The following UBE3A variants were observed in gnomAD, a reference collection of about 807,000 sequenced individuals.
The protein encoded by UBE3A is ubiquitin protein ligase E3A, also known as ubiquitin-protein ligase E3A.
A neutral mutation model predicts 83.4 loss-of-function variants in UBE3A; 6 were observed. That is an observed-to-expected ratio of 0.07 (90% CI 0.04 to 0.14). UBE3A has a LOEUF of 0.14. Ranked by LOEUF, UBE3A falls within the 10% of genes least tolerant of loss-of-function variation. The probability of loss-of-function intolerance (pLI) is 1.00; values close to 1 mark genes in which losing one functional copy is unlikely to be tolerated. For missense variants in UBE3A, 456 were observed against 1,036.1 expected, an observed-to-expected ratio of 0.44 and a Z score of 7.69; for synonymous variants, 337 against 355.4, an observed-to-expected ratio of 0.95 and a Z score of 0.58.
At chr15:25,380,222 G>A (rs1258468197) in intron 4 of UBE3A, among the ~76,000 whole-genome samples, 1 of 152,050 alleles carries the variant, frequency 6.6e-6, no homozygotes, top group Non-Finnish European at 1.5e-5. Flanking sequence ...ATGTGGAAGT[G>A]TAAGTCCAAT....
rs149350115 is a variant in UBE3A, at chr15:25,356,951, T to C, written c.1754-55A>G. On this transcript the variant is annotated intron_variant, in intron 7 of 12. Transcript: ENST00000648336. Reference sequence around the variant, plus strand: ...ACTTTTGTATTTTATTAAGGACTGATGAATAATACAAATATAAACTTAAAA... The same window carrying C: ...ACTTTTGTATTTTATTAAGGACTGACGAATAATACAAATATAAACTTAAAA... 45 of 1,393,064 alleles carry C rather than the reference T, an allele frequency of 3.2e-5. 1 individual carries two copies. The Middle Eastern group carries it at 6.4e-4, about 20-fold the overall frequency. The allele number at this position is 1,393,064 out of a possible 1,614,324, so 86.3% of individuals were successfully genotyped here.
rs779737496 is a variant in UBE3A, at chr15:25,355,958, A to G, written c.2058T>C (p.Gly686=). 6.2e-7 allele frequency: 1 copy of G among 1,613,806 alleles called. No individual in the cohort carries two copies. Among genetic ancestry groups the G allele is most frequent in the Non-Finnish European group, 8.5e-7 (1 of 1,179,822 alleles). ...CCTTTAGATCATACATCATTGGGTT[A>G]CCAAAAAGATCTGTCTGTGATATCT... The part of the protein sequence containing the change: ...TFQISQTDLF[G]NPMMYDLKEN... The change falls in exon 9 of 13, where the codon GGT becomes GGC. Residue 686 remains glycine, a synonymous_variant. Transcript: ENST00000648336.
intron 6 of UBE3A, among the ~76,000 whole-genome samples, chr15:25,367,197 A>ATATTTGTAAATATGTAAATATTTG (rs2079305606): frequency 1.9e-4 from 24 of 123,296 alleles, no homozygotes; most frequent in African/African-American, 4.1e-5. Context: ...GTAAATATTT[A>ATATTTGTAAATATGTAAATATTTG]CATATTTGTA....
At chr15:25,419,322 T>C (rs959244436) in intron 1 of UBE3A, 4 of 152,190 alleles carry the variant, frequency 2.6e-5, no homozygotes, top group Non-Finnish European at 1.5e-5. Flanking sequence ...GAAGACAGGA[T>C]GGATAGATGG....
chr15:25,334,689 G>A lies in UBE3A; in HGVS notation c.*4448C>T, dbSNP rs2073875734. On this transcript the variant is annotated 3_prime_UTR_variant, in exon 13 of 13. Transcript: ENST00000648336. ...ACAGCCATCAAGACAGTGCGGTGCT[G>A]GTATAACGACAGACATATAGGGCAA... 1 of 152,002 alleles carries A rather than the reference G, an allele frequency of 6.6e-6. No homozygotes were observed. The highest frequency in any genetic ancestry group is 2.4e-5 in the African/African-American group (1 of 41,352). The allele number at this position is 152,002 out of a possible 1,614,324, so 9.4% of individuals were successfully genotyped here. A position where few individuals can be genotyped will look rare whatever the true frequency, so the allele number is the denominator to read the frequency against.
At chr15:25,432,796 C>T (rs1452374471) in intron 1 of UBE3A, among the ~76,000 whole-genome samples, 3 of 152,166 alleles carry the variant, frequency 2.0e-5, no homozygotes, top group Non-Finnish European at 4.4e-5. Flanking sequence ...GTTCAGGGCT[C>T]ATATACTACC....
intron 1 of UBE3A, among the ~76,000 whole-genome samples, chr15:25,425,322 T>A (rs1231253763): frequency 6.6e-6 from 1 of 152,156 alleles, no homozygotes; most frequent in Non-Finnish European, 1.5e-5. Flanking sequence ...GGGGAATGGC[T>A]GCTAACAGGT....
intron 7 of UBE3A, 80 bp from the exon 8 acceptor site, chr15:25,356,976 A>G: frequency 2.6e-6 from 3 of 1,156,056 alleles, no homozygotes; most frequent in Non-Finnish European, 3.8e-6. Context: ...TAAACTTAAA[A>G]TAATTATGCA....
At chr15:25,384,591 C>G (rs1207891126) in intron 4 of UBE3A, among the ~76,000 whole-genome samples, 1 of 151,800 alleles carries the variant, frequency 6.6e-6, no homozygotes, top group Non-Finnish European at 1.5e-5. Context: ...CAATACTACC[C>G]AAAGCAATCT....
At position 25,420,038 on chromosome 15, in the gene UBE3A, A is replaced by C. The variant is rs1306297026; in HGVS notation, c.-164-8067T>G. On this transcript the variant is annotated intron_variant, in intron 1 of 12. Transcript: ENST00000648336. The stretch of plus-strand genomic sequence containing the variant: ...CACAATTATATTGCCAACTGCAATA[A>C]ATGTAAATGGACTTAATCAAAAAGC... Among the ~76,000 whole-genome samples the C allele has an allele frequency of 2.0e-5, 3 of 152,288 alleles. No homozygotes were observed. In the East Asian group the frequency reaches 5.8e-4, roughly 29 times the overall value.
intron 11 of UBE3A, among the ~76,000 whole-genome samples, chr15:25,349,291 A>G (rs933488142): frequency 1.3e-5 from 2 of 152,250 alleles, no homozygotes; most frequent in African/African-American, 4.8e-5. Flanking sequence ...AGATTTACAC[A>G]TAAAAGTTAA....
chr15:25,430,865 C>A (rs550422432), intron 1 of UBE3A, among the ~76,000 whole-genome samples: 1 of 152,260 alleles, frequency 6.6e-6, no homozygotes, highest in East Asian at 1.9e-4. Flanking sequence ...ACTCCCCCAG[C>A]CTTTCATTCA....
At chr15:25,378,002 T>G (rs1275846000) in intron 4 of UBE3A, among the ~76,000 whole-genome samples, 2 of 152,160 alleles carry the variant, frequency 1.3e-5, no homozygotes, top group African/African-American at 4.8e-5. Context: ...CTTCCATCTT[T>G]TGATTTCTTA....
rs1451493027 is a variant in UBE3A, at chr15:25,335,179, A to G, written c.*3958T>C. The G allele has an allele frequency of 6.6e-6, 1 of 152,212 alleles. No individual in the cohort carries two copies. Among genetic ancestry groups the G allele is most frequent in the East Asian group, 1.9e-4 (1 of 5,192 alleles). The allele number at this position is 152,212 out of a possible 1,614,324, so 9.4% of individuals were successfully genotyped here. The stretch of plus-strand genomic sequence containing the variant: ...ACTGTTCAACTAAGAAATGTACCCC[A>G]TTATGCTGTGCTACCACGGAAGCAT... On this transcript the variant is annotated 3_prime_UTR_variant, in exon 13 of 13. Coordinates refer to ENST00000648336, the MANE Select transcript of UBE3A (RefSeq NM_130839.5).
Position 25,336,872 on chromosome 15 carries a change from T to G in UBE3A, c.*2265A>C, listed in dbSNP as rs1192282646. On this transcript the variant is annotated 3_prime_UTR_variant, in exon 13 of 13. Transcript: ENST00000648336. ...TAGAGTACCTGGGCAAAAAAAGTAC[T>G]TTTATAACATAACATTTGGGGTAGA... is the stretch of plus-strand genomic sequence containing the variant. 6.6e-6 allele frequency: 1 copy of G among 152,114 alleles called. No homozygotes were observed. Among genetic ancestry groups the G allele is most frequent in the African/African-American group, 2.4e-5 (1 of 41,410 alleles). 9.4% of individuals were successfully genotyped at this position (152,114 alleles called of 1,614,324 possible).
chr15:25,351,942 C>A (rs1246651900), intron 11 of UBE3A, among the ~76,000 whole-genome samples: 8 of 152,008 alleles, frequency 5.3e-5, no homozygotes, highest in Non-Finnish European at 1.5e-5. Flanking sequence ...GCCTGTAATC[C>A]CAGCACTTTG....
chr15:25,380,320 C>T (rs941355568), intron 4 of UBE3A, among the ~76,000 whole-genome samples: 2 of 151,930 alleles, frequency 1.3e-5, no homozygotes, highest in African/African-American at 4.8e-5. Context: ...TAGTTTATGG[C>T]TGTTTTTCAT....
In UBE3A at chr15:25,370,366, T is replaced by C. The variant is rs1280322518; in HGVS notation, c.1608+200A>G. On this transcript the variant is annotated intron_variant, in intron 6 of 12. Transcript: ENST00000648336. This position sits in a 1 kb window ranked among gnomAD's most constrained non-coding sequence, Gnocchi z 4.2. ...TTTCAAAGATAGCATGACCATTATATAATACAACCGATACTTTGTAGAACA... is the reference window on the plus strand; with the variant it reads ...TTTCAAAGATAGCATGACCATTATACAATACAACCGATACTTTGTAGAACA... Among the ~76,000 whole-genome samples, 1 of 152,190 alleles carries C rather than the reference T, an allele frequency of 6.6e-6. No individual in the cohort carries two copies. Among genetic ancestry groups the C allele is most frequent in the African/African-American group, 2.4e-5 (1 of 41,464 alleles).
intron 4 of UBE3A, among the ~76,000 whole-genome samples, chr15:25,394,500 A>G (rs952242234): frequency 6.6e-5 from 10 of 152,194 alleles, no homozygotes; most frequent in African/African-American, 2.4e-4. Flanking sequence ...ATGTTACTTG[A>G]CCCATAAATG....
Sources: allele counts gnomAD v4.1 joint callset (sites outside exome capture counted in the v4.1 genomes callset), GRCh38; gene constraint gnomAD v4.1.1; non-coding constraint Gnocchi (gnomAD v3.1); transcripts MANE v1.5; gene names NCBI Gene and HGNC (gene_info 2026-07-23, HGNC 2026-07-21).